CWC22: variants seen among roughly 807,000 people sequenced by gnomAD.
CWC22 encodes CWC22 spliceosome associated protein.
Under a neutral mutation model 117.2 loss-of-function variants are expected in CWC22, and 53 were observed. That is an observed-to-expected ratio of 0.45 (90% CI 0.36 to 0.57). The LOEUF (loss-of-function observed/expected upper bound fraction) is 0.57. Ranked by LOEUF, CWC22 falls within the 20% of genes least tolerant of loss-of-function variation. CWC22 has a pLI of 0.00. For missense variants in CWC22, 980 were observed against 1,068.8 expected, an observed-to-expected ratio of 0.92 and a Z score of 1.16; for synonymous variants, 360 against 355.6, an observed-to-expected ratio of 1.01 and a Z score of -0.14.
intron 4 of CWC22, among the ~76,000 whole-genome samples, chr2:179,985,397 C>T (rs1339668523): frequency 2.0e-5 from 3 of 152,050 alleles, no homozygotes; most frequent in Non-Finnish European, 4.4e-5. Context: ...TTGAGCATCT[C>T]AAGTATCTGC....
intron 14 of CWC22, among the ~76,000 whole-genome samples, chr2:179,956,243 A>G (rs1433220964): frequency 6.6e-6 from 1 of 151,986 alleles, no homozygotes; most frequent in East Asian, 1.9e-4. Context: ...ACCTTGGAGA[A>G]GCACAGAACA....
At chr2:179,957,537 T>C (rs892056769) in intron 14 of CWC22, among the ~76,000 whole-genome samples, 5 of 152,200 alleles carry the variant, frequency 3.3e-5, no homozygotes, top group African/African-American at 1.2e-4. Context: ...AATAACACTT[T>C]ATTCATAAAA....
intron 1 of CWC22, among the ~76,000 whole-genome samples, chr2:180,005,104 T>C (rs1389339881): frequency 6.6e-6 from 1 of 151,868 alleles, no homozygotes; most frequent in African/African-American, 2.4e-5. Flanking sequence ...TGAAGCCCAG[T>C]AATTTACATT....
rs1284192702 is a variant in CWC22, at chr2:179,993,318, T to C, written c.24A>G (p.Ile8Met). 4 of 1,565,426 alleles carry C rather than the reference T, an allele frequency of 2.6e-6. No homozygotes were observed. Among genetic ancestry groups the C allele is most frequent in the Non-Finnish European group, 3.5e-6 (4 of 1,152,076 alleles). Residue 8 changes from isoleucine (I) to methionine (M), a missense_variant, in exon 2 of 20, where the codon ATA becomes ATG. By Grantham distance (10) the Ile-to-Met change is conservative. Around this residue, in one of 3 missense-constraint regions of CWC22, gnomAD observed 559 missense variants for 602.3 expected, o/e 0.93. Transcript: ENST00000410053. Reference protein sequence around the residue: MKSSVAQIKPSSGHDRRE... With the variant: MKSSVAQMKPSSGHDRRE... ...ATTTTAAGTTTCAAACACTTACTTTTATCTGTGCCACACTACTTTTCATTT... is the reference window on the plus strand; with the variant it reads ...ATTTTAAGTTTCAAACACTTACTTTCATCTGTGCCACACTACTTTTCATTT...
At chr2:179,946,663 G>C (rs756056271) in intron 19 of CWC22, among the ~76,000 whole-genome samples, 10 of 152,260 alleles carry the variant, frequency 6.6e-5, no homozygotes, top group African/African-American at 2.4e-4. Context: ...CCAGCCCATA[G>C]AGTGTTATTC....
At chr2:179,981,728 G>T (rs776859151) in intron 5 of CWC22, 24 bp downstream of exon 5, 4 of 1,587,246 alleles carry the variant, frequency 2.5e-6, no homozygotes, top group South Asian at 2.2e-5. Context: ...TCATGGCTTT[G>T]TATACTGATT....
chr2:179,972,870 G>A lies in CWC22; in HGVS notation c.804+323C>T, dbSNP rs1007481151. Among the ~76,000 whole-genome samples, 8 of 151,972 alleles carry A rather than the reference G, an allele frequency of 5.3e-5. No homozygotes were observed. In the East Asian group the frequency reaches 7.7e-4, roughly 15 times the overall value. On this transcript the variant is annotated intron_variant, in intron 8 of 19. Transcript: ENST00000410053. Reference sequence around the variant, plus strand: ...AAAATACAAAAAAAACTAGCCGGGCGTGGTGGCAGGTGCCCGTAGTCCCAG... The same window carrying A: ...AAAATACAAAAAAAACTAGCCGGGCATGGTGGCAGGTGCCCGTAGTCCCAG...
rs773485973 is a variant in CWC22 at position 179,945,228 on chromosome 2, C to G, written c.2628G>C (p.Glu876Asp). 1 of 1,613,824 alleles carries G rather than the reference C, an allele frequency of 6.2e-7. No homozygotes were observed. The highest frequency in any genetic ancestry group is 8.5e-7 in the Non-Finnish European group (1 of 1,179,840). The change falls in exon 20 of 20, where the codon GAG (glutamate) becomes GAC (aspartate). Residue 876 changes from glutamate (E) to aspartate (D), a missense_variant. Physicochemically the swap from Glu to Asp is conservative, Grantham distance 45. Coordinates refer to ENST00000410053, the MANE Select transcript of CWC22 (RefSeq NM_020943.3). The part of the protein sequence containing the change: ...SDEDRYQNGA[E>D]RRWEKSSRYS... ...ATCTGCTAGATTTTTCCCATCGTCTCTCGGCACCATTTTGATATCTATCTT... is the reference window on the plus strand; with the variant it reads ...ATCTGCTAGATTTTTCCCATCGTCTGTCGGCACCATTTTGATATCTATCTT...
intron 1 of CWC22, among the ~76,000 whole-genome samples, chr2:180,005,023 GAAA>G (rs1156980514): frequency 3.1e-5 from 4 of 129,512 alleles, no homozygotes; most frequent in Admixed American, 7.8e-5. Flanking sequence ...AATGCTTTCG[GAAA>G]AAAAAAAAAA....
chr2:179,994,464 C>T (rs1471307573), intron 1 of CWC22, among the ~76,000 whole-genome samples: 1 of 152,076 alleles, frequency 6.6e-6, no homozygotes. Flanking sequence ...AACTAGAAAC[C>T]TACCATAAGG....
rs761658651 is a variant in CWC22 at position 179,970,846 on chromosome 2, T to C, written c.951A>G (p.Glu317=). 1 of 1,613,322 alleles carries C rather than the reference T, an allele frequency of 6.2e-7. No homozygotes were observed. Among genetic ancestry groups the C allele is most frequent in the South Asian group, 1.1e-5 (1 of 91,048 alleles). ...ACTCATGCAGAATGTTTCGAAGGCG[T>C]TCAAATATAGCTAAAAGTTAACAGA... is the stretch of plus-strand genomic sequence containing the variant. ...VSPRGINAIF[E]RLRNILHESE... Residue 317 remains glutamate (E), a synonymous_variant, in exon 10 of 20, where the codon GAA becomes GAG. Transcript: ENST00000410053.
chr2:179,973,734 G>A lies in CWC22; in HGVS notation c.650C>T (p.Ala217Val). 1.9e-6 allele frequency: 3 copies of A among 1,610,054 alleles called. No homozygotes were observed. The highest frequency in any genetic ancestry group is 2.5e-6 in the Non-Finnish European group (3 of 1,176,754). The change falls in exon 7 of 20, where the codon GCA becomes GTA. Residue 217 changes from alanine (A) to valine (V), a missense_variant. Physicochemically the swap from Ala to Val is moderately conservative, Grantham distance 64. Coordinates refer to ENST00000410053, the MANE Select transcript of CWC22 (RefSeq NM_020943.3). ...ASPIFTHVYA[A>V]LVAIINSKFP... ...TTTTGAGTTGATAATTGCCACTAAT[G>A]CTGCATAAACATGGGTGAAGATTGG...
rs369017213 is a variant in CWC22, at chr2:179,986,788, C to A, written c.113G>T (p.Arg38Leu). ...AAAGTAATCTCTATCCCGGGGGGAT[C>A]GTTCTTGTTCTTCATATCTAACATA... is the stretch of plus-strand genomic sequence containing the variant. ...SPEDRYEEQE[R>L]SPRDRDYFDY... The change falls in exon 4 of 20, where the codon CGA becomes CTA. Residue 38 changes from arginine (R) to leucine (L), a missense_variant. Physicochemically the swap from Arg to Leu is moderately radical, Grantham distance 102. Around this residue, in one of 3 missense-constraint regions of CWC22, gnomAD observed 559 missense variants for 602.3 expected, o/e 0.93. Coordinates refer to ENST00000410053, the MANE Select transcript of CWC22 (RefSeq NM_020943.3). 2.5e-6 allele frequency: 4 copies of A among 1,577,608 alleles called. No homozygotes were observed. The African/African-American group carries it at 5.5e-5, about 22-fold the overall frequency.
At chr2:179,955,546 T>A (rs1405126590) in intron 14 of CWC22, among the ~76,000 whole-genome samples, 3 of 151,936 alleles carry the variant, frequency 2.0e-5, no homozygotes, top group Non-Finnish European at 4.4e-5. Flanking sequence ...AAGTTAACGT[T>A]GATAAAGAAA....
chr2:179,953,460 T>C (rs574059440), intron 16 of CWC22, among the ~76,000 whole-genome samples: 2 of 152,208 alleles, frequency 1.3e-5, no homozygotes, highest in South Asian at 4.1e-4. Context: ...CTAAGACTTT[T>C]TATTTTGTAT....
chr2:179,957,285 G>GA (rs200830430), intron 14 of CWC22, among the ~76,000 whole-genome samples: 2 of 151,480 alleles, frequency 1.3e-5, no homozygotes, highest in East Asian at 3.9e-4. Context: ...CTTTGAAAGG[G>GA]AAAAAAAGGA....
chr2:179,984,628 A>T (rs755547021), intron 4 of CWC22, among the ~76,000 whole-genome samples: 11 of 152,046 alleles, frequency 7.2e-5, no homozygotes, highest in Non-Finnish European at 5.9e-5. Flanking sequence ...GTCAACGATA[A>T]ACCATGAGAG....
intron 1 of CWC22, among the ~76,000 whole-genome samples, chr2:180,003,369 T>C (rs552901326): frequency 2.6e-5 from 4 of 152,192 alleles, no homozygotes; most frequent in African/African-American, 7.2e-5. Flanking sequence ...AATTACTGAA[T>C]ATGCCATATG....
chr2:179,990,801 T>C (rs1325179271), intron 2 of CWC22, among the ~76,000 whole-genome samples: 1 of 152,180 alleles, frequency 6.6e-6, no homozygotes, highest in Non-Finnish European at 1.5e-5. Flanking sequence ...ATTTCATAAA[T>C]ATGATCAAGT....
Sources: gnomAD v4.1 joint callset for allele counts (sites outside exome capture counted in the v4.1 genomes callset) on GRCh38, gnomAD v4.1.1 for gene constraint, gnomAD v4.1.1 regional missense constraint, MANE v1.5 for transcripts, NCBI Gene and HGNC (gene_info 2026-07-23, HGNC 2026-07-21) for gene names.